Variants in PIEZO2 observed in about 807,000 individuals in gnomAD.
The protein encoded by PIEZO2 is piezo type mechanosensitive ion channel component 2, also known as piezo-type mechanosensitive ion channel component 2.
A neutral mutation model predicts 337.3 loss-of-function variants in PIEZO2; 172 were observed. The observed-to-expected ratio is 0.51, with a 90% CI of 0.45 to 0.58. The LOEUF is 0.58. Among genes scored for constraint, PIEZO2 ranks in the 20% least tolerant of loss-of-function variants. The pLI is 0.00. For synonymous variants in PIEZO2, 1,251 were observed against 1,228.5 expected, an observed-to-expected ratio of 1.02 and a Z score of -0.38; for missense variants, 3,028 against 3,391.3, an observed-to-expected ratio of 0.89 and a Z score of 2.66.
chr18:10,949,316 C>T lies in PIEZO2; in HGVS notation c.286+30219G>A, dbSNP rs147908677. On this transcript the variant is annotated intron_variant, in intron 3 of 55. Transcript: ENST00000674853. ...CACATAATCAATGCAATACACCCTA[C>T]AAAAACAAGAACAATCAAACAAATT... Among the ~76,000 whole-genome samples the T allele has an allele frequency of 4.4e-3, 673 of 152,258 alleles. 4 individuals carry two copies. Among genetic ancestry groups the T allele is most frequent in the African/African-American group, 0.015 (641 of 41,544 alleles).
intron 1 of PIEZO2, among the ~76,000 whole-genome samples, chr18:11,114,528 G>A (rs1454375809): frequency 6.6e-6 from 1 of 152,150 alleles, no homozygotes; most frequent in Non-Finnish European, 1.5e-5. Flanking sequence ...TAGCTGGTGT[G>A]GTGGTGTGCA....
chr18:10,725,479 G>T, intron 36 of PIEZO2: 1 of 1,516,754 alleles, frequency 6.6e-7, no homozygotes, highest in South Asian at 1.2e-5. Flanking sequence ...GTGGGTATCC[G>T]GGTGGATGGG....
Position 10,702,031 on chromosome 18 carries a change from G to T in PIEZO2, c.6399C>A (p.Leu2133=). The change falls in exon 43 of 56, where the codon CTC becomes CTA. Residue 2133 remains leucine, a synonymous_variant. Coordinates refer to ENST00000674853, the MANE Select transcript of PIEZO2 (RefSeq NM_001378183.1). ...EKKEGYVLYD[L]IQLLALFFHR... Reference sequence around the variant, plus strand: ...GAAAGAACAGAGCCAGGAGCTGGATGAGGTCATAGAGAACATAACCTTCCT... The same window carrying T: ...GAAAGAACAGAGCCAGGAGCTGGATTAGGTCATAGAGAACATAACCTTCCT... 2 of 1,534,520 alleles carry T rather than the reference G, an allele frequency of 1.3e-6. No individual in the cohort carries two copies. The highest frequency in any genetic ancestry group is 8.7e-7 in the Non-Finnish European group (1 of 1,146,116).
chr18:10,816,261 C>T (rs1017791637), intron 7 of PIEZO2, among the ~76,000 whole-genome samples: 1 of 152,164 alleles, frequency 6.6e-6, no homozygotes, highest in African/African-American at 2.4e-5. Flanking sequence ...CCAAAGATCA[C>T]GAAGTCTTAT....
At chr18:10,916,430 A>G (rs1185489895) in intron 3 of PIEZO2, among the ~76,000 whole-genome samples, 4 of 152,096 alleles carry the variant, frequency 2.6e-5, no homozygotes, top group African/African-American at 9.7e-5. Flanking sequence ...CCCTTCCTCG[A>G]GGCGAGGAGG....
chr18:11,043,866 G>A (rs938500594), intron 2 of PIEZO2, among the ~76,000 whole-genome samples: 4 of 151,882 alleles, frequency 2.6e-5, no homozygotes, highest in Non-Finnish European at 5.9e-5. Flanking sequence ...GAGACAGGGG[G>A]TTTCGTCATG....
Position 10,783,865 on chromosome 18 carries a change from AACGC to A in PIEZO2, c.2492+915_2492+918del, listed in dbSNP as rs2039117684. Among the ~76,000 whole-genome samples, 1 of 152,216 alleles carries A rather than the reference AACGC, an allele frequency of 6.6e-6. No homozygotes were observed. Among genetic ancestry groups the A allele is most frequent in the African/African-American group, 2.4e-5 (1 of 41,456 alleles). The stretch of plus-strand genomic sequence containing the variant: ...CATAACTCTAGTTCCTACACAGCAG[AACGC>A]TGGAAGTTTGGCATTTTACGAAATG... On this transcript the variant is annotated intron_variant, in intron 17 of 55. Coordinates refer to ENST00000674853, the MANE Select transcript of PIEZO2 (RefSeq NM_001378183.1). The surrounding 1 kb of genome is among the most constrained non-coding windows in gnomAD (Gnocchi z 4.3).
At chr18:11,137,938 T>C (rs2040538085) in intron 1 of PIEZO2, among the ~76,000 whole-genome samples, 1 of 152,172 alleles carries the variant, frequency 6.6e-6, no homozygotes. Context: ...CATTGTCAAA[T>C]GGGTTTTTCC....
At position 10,672,193 on chromosome 18, in the gene PIEZO2, T is replaced by C. The variant is rs990281917; in HGVS notation, c.8346-414A>G. On this transcript the variant is annotated intron_variant, in intron 55 of 55. Transcript: ENST00000674853. The surrounding 1 kb of genome is among the most constrained non-coding windows in gnomAD (Gnocchi z 4.7). ...AGCAATACTGTCTCTCAGATTAATT[T>C]TTATAAAATTCTGGGTGAAAATCAT... Among the ~76,000 whole-genome samples, 3 of 152,208 alleles carry C rather than the reference T, an allele frequency of 2.0e-5. No individual in the cohort carries two copies. Among genetic ancestry groups the C allele is most frequent in the African/African-American group, 7.2e-5 (3 of 41,444 alleles).
chr18:10,732,139 G>A (rs763668205), intron 35 of PIEZO2, among the ~76,000 whole-genome samples: 24 of 152,148 alleles, frequency 1.6e-4, no homozygotes, highest in Non-Finnish European at 3.1e-4. Flanking sequence ...TCAGTCAAGA[G>A]CTGAAAATAG....
chr18:10,691,782 C>CACACACACACACATATATATATATATAT, intron 47 of PIEZO2, among the ~76,000 whole-genome samples: 2 of 96,610 alleles, frequency 2.1e-5, no homozygotes, highest in East Asian at 8.6e-4. Context: ...CACACACACA[C>CACACACACACACATATATATATATATAT]ATATATATAT....
intron 7 of PIEZO2, among the ~76,000 whole-genome samples, chr18:10,836,889 T>C (rs2041031413): frequency 1.3e-5 from 2 of 152,184 alleles, no homozygotes; most frequent in Non-Finnish European, 2.9e-5. Context: ...TTTACAACAT[T>C]GTTTTATGTT....
chr18:10,802,510 G>C (rs2039859571), intron 9 of PIEZO2, among the ~76,000 whole-genome samples: 1 of 152,120 alleles, frequency 6.6e-6, no homozygotes, highest in Non-Finnish European at 1.5e-5. Context: ...ATAGTGAAGA[G>C]AGTGTCATTG....
Position 10,705,470 on chromosome 18 carries a change from G to A in PIEZO2, c.5865C>T (p.Phe1955=), listed in dbSNP as rs1244088931. The stretch of plus-strand genomic sequence containing the variant: ...TGCCTGCAGAGTCGTCCTGCGAGCC[G>A]AAGGACAGATGCTCGAAGCTCACAG... ...SKAVSFEHLS[F]GSQDDSAGKN... is the part of the protein sequence containing the mutation. The change falls in exon 41 of 56, where the codon TTC becomes TTT. Residue 1955 remains phenylalanine, a synonymous_variant. Coordinates refer to ENST00000674853, the MANE Select transcript of PIEZO2 (RefSeq NM_001378183.1). The A allele has an allele frequency of 2.1e-5, 32 of 1,537,144 alleles. No homozygotes were observed. The highest frequency in any genetic ancestry group is 3.6e-5 in the South Asian group (3 of 84,068).
At chr18:10,889,218 T>A (rs1192758267) in intron 4 of PIEZO2, among the ~76,000 whole-genome samples, 1 of 152,206 alleles carries the variant, frequency 6.6e-6, no homozygotes, top group Non-Finnish European at 1.5e-5. Context: ...CCAAGTACTA[T>A]CAGTTTTTTC....
chr18:10,767,340 T>G lies in PIEZO2; in HGVS notation c.2946+2808A>C, dbSNP rs1319810744. 6.6e-6 allele frequency among the ~76,000 whole-genome samples: 1 copy of G among 152,180 alleles called. No homozygotes were observed. Among genetic ancestry groups the G allele is most frequent in the Non-Finnish European group, 1.5e-5 (1 of 68,024 alleles). On this transcript the variant is annotated intron_variant, in intron 21 of 55. Coordinates refer to ENST00000674853, the MANE Select transcript of PIEZO2 (RefSeq NM_001378183.1). This position sits in a 1 kb window ranked among gnomAD's most constrained non-coding sequence, Gnocchi z 4.2. ...GCTAACTTTGAAAAGGTTTAATATTTGCAGGAGAGATGAACCCAAAAGTTG... is the reference window on the plus strand; with the variant it reads ...GCTAACTTTGAAAAGGTTTAATATTGGCAGGAGAGATGAACCCAAAAGTTG...
In PIEZO2 at chr18:10,762,361, T is replaced by A; in HGVS notation, c.3249+139A>T. On this transcript the variant is annotated intron_variant, in intron 23 of 55. Coordinates refer to ENST00000674853, the MANE Select transcript of PIEZO2 (RefSeq NM_001378183.1). ...CAATACTGATTTTAACACTTAGAGT[T>A]TGTTGCAAAGGTGATGCCAAATCCC... 3.8e-6 allele frequency: 4 copies of A among 1,064,918 alleles called. No individual in the cohort carries two copies. In the South Asian group the frequency reaches 6.8e-5, roughly 18 times the overall value. The allele number at this position is 1,064,918 out of a possible 1,614,324, so 66.0% of individuals were successfully genotyped here. A position where few individuals can be genotyped will look rare whatever the true frequency, so the allele number is the denominator to read the frequency against.
Position 11,126,345 on chromosome 18 carries a change from T to C in PIEZO2, c.64+22180A>G, listed in dbSNP as rs966513016. Among the ~76,000 whole-genome samples the C allele has an allele frequency of 1.3e-5, 2 of 152,200 alleles. No individual in the cohort carries two copies. Among genetic ancestry groups the C allele is most frequent in the East Asian group, 1.9e-4 (1 of 5,190 alleles). ...CTCCCCTCTCTCCTTTCTGTTCAAATGCAAGGACTCACCTCATTGCACTGC... is the reference window on the plus strand; with the variant it reads ...CTCCCCTCTCTCCTTTCTGTTCAAACGCAAGGACTCACCTCATTGCACTGC... On this transcript the variant is annotated intron_variant, in intron 1 of 55. Coordinates refer to ENST00000674853, the MANE Select transcript of PIEZO2 (RefSeq NM_001378183.1). The surrounding 1 kb of genome is among the most constrained non-coding windows in gnomAD (Gnocchi z 4.6).
intron 36 of PIEZO2, among the ~76,000 whole-genome samples, chr18:10,730,893 A>AT (rs1229313124): frequency 6.6e-6 from 1 of 151,808 alleles, no homozygotes; most frequent in African/African-American, 2.4e-5. Flanking sequence ...CGCCGGGCTA[A>AT]TTTTTTGTAT....
Sources: allele counts gnomAD v4.1 joint callset (sites outside exome capture counted in the v4.1 genomes callset), GRCh38; gene constraint gnomAD v4.1.1; non-coding constraint Gnocchi (gnomAD v3.1); transcripts MANE v1.5; gene names NCBI Gene and HGNC (gene_info 2026-07-23, HGNC 2026-07-21).